CNTNAP2: variants seen among roughly 807,000 people sequenced by gnomAD.
CNTNAP2 encodes the protein contactin-associated protein-like 2.
Under a neutral mutation model 155.2 loss-of-function variants are expected in CNTNAP2, and 98 were observed. The ratio of observed to expected loss-of-function variants is 0.63; its 90% CI spans 0.54 to 0.75. The LOEUF (loss-of-function observed/expected upper bound fraction) is 0.75, where lower values mean the gene tolerates loss of function less well. CNTNAP2 is among the 30% of genes least tolerant of loss of function. The pLI, the probability that CNTNAP2 is intolerant of heterozygous loss-of-function variation, is 0.00. For missense variants in CNTNAP2, 1,727 were observed against 1,688.1 expected, an observed-to-expected ratio of 1.02 and a Z score of -0.40; for synonymous variants, 651 against 631.2, an observed-to-expected ratio of 1.03 and a Z score of -0.47.
intron 11 of CNTNAP2, among the ~76,000 whole-genome samples, chr7:147,558,732 C>CCTTCCTTCCTTT (rs1254191284): frequency 1.2e-5 from 1 of 81,178 alleles, no homozygotes; most frequent in East Asian, 4.4e-4. Flanking sequence ...TTCCTTCCTT[C>CCTTCCTTCCTTT]CTTCCTTCCT....
chr7:147,371,801 G>A (rs77711601), intron 9 of CNTNAP2, among the ~76,000 whole-genome samples: 2,604 of 152,206 alleles, frequency 0.017, 81 homozygotes, highest in African/African-American at 0.059. Context: ...CTATGTGTAT[G>A]TATGAGAGTG....
At chr7:146,522,239 A>T (rs185371216) in intron 1 of CNTNAP2, among the ~76,000 whole-genome samples, 98 of 152,142 alleles carry the variant, frequency 6.4e-4, no homozygotes, top group African/African-American at 2.2e-3. Context: ...GTTGTCTGAG[A>T]TTGTGAATTT....
intron 11 of CNTNAP2, among the ~76,000 whole-genome samples, chr7:147,539,679 A>G (rs755390265): frequency 2.2e-4 from 33 of 152,138 alleles, no homozygotes; most frequent in Non-Finnish European, 4.6e-4. Context: ...TCAAGTAGAG[A>G]CTGAGATCCC....
chr7:146,713,286 C>T (rs1323710859), intron 1 of CNTNAP2, among the ~76,000 whole-genome samples: 3 of 152,048 alleles, frequency 2.0e-5, no homozygotes, highest in African/African-American at 7.2e-5. Flanking sequence ...ATATGGAAGC[C>T]AAACAATCAC....
chr7:146,959,424 T>TA (rs869137852), intron 3 of CNTNAP2, among the ~76,000 whole-genome samples: 74 of 151,914 alleles, frequency 4.9e-4, no homozygotes, highest in East Asian at 7.8e-4. Flanking sequence ...TTATTTTTTT[T>TA]AAAAAAGAAA....
intron 1 of CNTNAP2, among the ~76,000 whole-genome samples, chr7:146,271,150 A>C: frequency 6.6e-6 from 1 of 152,104 alleles, no homozygotes; most frequent in East Asian, 1.9e-4. Flanking sequence ...GAGGTACAAA[A>C]GAGTCTTACA....
At chr7:146,322,923 A>T (rs1226667754) in intron 1 of CNTNAP2, among the ~76,000 whole-genome samples, 1 of 152,030 alleles carries the variant, frequency 6.6e-6, no homozygotes, top group Non-Finnish European at 1.5e-5. Flanking sequence ...AGCATTAGAA[A>T]ATAATGAAAA....
intron 13 of CNTNAP2, among the ~76,000 whole-genome samples, chr7:147,812,856 C>G (rs772657136): frequency 5.3e-5 from 8 of 152,138 alleles, no homozygotes; most frequent in Non-Finnish European, 1.2e-4. Flanking sequence ...CATGATGGAT[C>G]AAGGTGCTCT....
chr7:146,777,868 A>G (rs993608054), intron 2 of CNTNAP2, among the ~76,000 whole-genome samples: 2 of 150,936 alleles, frequency 1.3e-5, no homozygotes, highest in African/African-American at 5.0e-5. Flanking sequence ...TTGAAAACAT[A>G]TATGTGGCTA....
intron 11 of CNTNAP2, among the ~76,000 whole-genome samples, chr7:147,536,645 G>A (rs1799544854): frequency 6.6e-6 from 1 of 152,188 alleles, no homozygotes; most frequent in Non-Finnish European, 1.5e-5. Flanking sequence ...CAGTGGGAGG[G>A]AGAGGAGTCC....
chr7:147,713,203 C>CACCCTTTTCAG, intron 13 of CNTNAP2, among the ~76,000 whole-genome samples: 1 of 151,980 alleles, frequency 6.6e-6, no homozygotes, highest in South Asian at 2.1e-4. Context: ...TAATAAAATT[C>CACCCTTTTCAG]ACCCTTTTCA....
At chr7:147,474,447 T>C (rs1798280494) in intron 10 of CNTNAP2, among the ~76,000 whole-genome samples, 2 of 151,464 alleles carry the variant, frequency 1.3e-5, no homozygotes, top group Admixed American at 1.3e-4. Context: ...ATATAAAAAT[T>C]AGTTGGGCAT....
chr7:147,676,785 G>A (rs1044372594), intron 13 of CNTNAP2, among the ~76,000 whole-genome samples: 1 of 151,772 alleles, frequency 6.6e-6, no homozygotes, highest in Non-Finnish European at 1.5e-5. Context: ...TGGTTGGTTT[G>A]TTTCACTTAA....
At chr7:147,548,748 T>C (rs1216328893) in intron 11 of CNTNAP2, among the ~76,000 whole-genome samples, 1 of 152,210 alleles carries the variant, frequency 6.6e-6, no homozygotes, top group Non-Finnish European at 1.5e-5. Context: ...GGGTTTTAAA[T>C]TTAAGTCTTT....
At chr7:146,300,190 C>G (rs563761369) in intron 1 of CNTNAP2, among the ~76,000 whole-genome samples, 4 of 152,096 alleles carry the variant, frequency 2.6e-5, no homozygotes, top group Non-Finnish European at 4.4e-5. Flanking sequence ...GAATATATAA[C>G]AATCCACATG....
chr7:148,306,646 C>T (rs150808959), intron 21 of CNTNAP2, among the ~76,000 whole-genome samples: 2 of 152,028 alleles, frequency 1.3e-5, no homozygotes, highest in African/African-American at 4.8e-5. Flanking sequence ...ATCATCTGTT[C>T]TCATTTCATG....
chr7:147,559,981 C>T (rs1336912212), intron 11 of CNTNAP2, among the ~76,000 whole-genome samples: 4 of 151,500 alleles, frequency 2.6e-5, no homozygotes, highest in African/African-American at 9.7e-5. Flanking sequence ...CCAGCCTGAC[C>T]AACATGGAGA....
chr7:146,459,707 A>G (rs2129124186), intron 1 of CNTNAP2, among the ~76,000 whole-genome samples: 1 of 152,298 alleles, frequency 6.6e-6, no homozygotes, highest in African/African-American at 2.4e-5. Flanking sequence ...GCGGTGCCTC[A>G]CGCCTGTAAT....
At chr7:146,877,623 G>A (rs1795456405) in intron 3 of CNTNAP2, among the ~76,000 whole-genome samples, 2 of 84,674 alleles carry the variant, frequency 2.4e-5, no homozygotes, top group South Asian at 3.1e-4. Flanking sequence ...ATATGTGTGT[G>A]TATGTATGTA....
Sources: gnomAD v4.1 joint callset for allele counts (sites outside exome capture counted in the v4.1 genomes callset) on GRCh38, gnomAD v4.1.1 for gene constraint, MANE v1.5 for transcripts, NCBI Gene and HGNC (gene_info 2026-07-23, HGNC 2026-07-21) for gene names.